Variants in DIS3L2 observed in about 807,000 individuals in gnomAD.
DIS3L2 encodes DIS3-like exonuclease 2.
A neutral mutation model predicts 97.5 loss-of-function variants in DIS3L2; 34 were observed. The ratio of observed to expected loss-of-function variants is 0.35; its 90% CI spans 0.27 to 0.46. DIS3L2 has a LOEUF of 0.46. Ranked by LOEUF, DIS3L2 falls within the 20% of genes least tolerant of loss-of-function variation. The probability of loss-of-function intolerance (pLI) is 1.00; values close to 1 mark genes in which losing one functional copy is unlikely to be tolerated. For synonymous variants in DIS3L2, 435 were observed against 445.2 expected (o/e 0.98, Z 0.29); for missense variants, 1,038 against 1,146.0 (o/e 0.91, Z 1.36).
chr2:232,341,937 T>C (rs1214551220), downstream of DIS3L2, among the ~76,000 whole-genome samples: 3 of 152,178 alleles, frequency 2.0e-5, no homozygotes, highest in Admixed American at 2.0e-4. Flanking sequence ...ACCCCCAACC[T>C]GCAAGCCAGG....
chr2:232,282,028 G>A (rs1007065060), intron 13 of DIS3L2, among the ~76,000 whole-genome samples: 7 of 151,636 alleles, frequency 4.6e-5, no homozygotes, highest in African/African-American at 1.7e-4. Context: ...CCCTGACAGT[G>A]AGCCCAGAGG....
intron 5 of DIS3L2, among the ~76,000 whole-genome samples, chr2:232,049,545 A>C (rs184586795): frequency 1.7e-3 from 253 of 152,294 alleles, no homozygotes; most frequent in African/African-American, 5.6e-3. Flanking sequence ...ATGATGACAC[A>C]GCAAGAAAGC....
chr2:232,087,424 A>G (rs1696694050), intron 5 of DIS3L2, 63 bp from the exon 6 acceptor site: 2 of 1,309,382 alleles, frequency 1.5e-6, no homozygotes, highest in Non-Finnish European at 2.1e-6. Flanking sequence ...TAGAAAAGAA[A>G]AATCTGCTCT....
At chr2:232,247,368 G>T (rs2106262051) in intron 11 of DIS3L2, among the ~76,000 whole-genome samples, 1 of 152,178 alleles carries the variant, frequency 6.6e-6, no homozygotes, top group East Asian at 1.9e-4. Context: ...CCATATCAAG[G>T]TGCTAGCCAA....
chr2:232,126,443 C>T (rs1698066613), intron 6 of DIS3L2, among the ~76,000 whole-genome samples: 2 of 152,206 alleles, frequency 1.3e-5, no homozygotes, highest in Admixed American at 6.5e-5. Context: ...TTCTGTTGTA[C>T]TGCTCTGCAG....
rs557282669 is a variant in DIS3L2, at chr2:232,301,835, C to CTTT, written c.1739+1737_1739+1739dup. 1.2e-3 allele frequency among the ~76,000 whole-genome samples: 131 copies of CTTT among 105,466 alleles called. 1 individual carries two copies. Among genetic ancestry groups the CTTT allele is most frequent in the Non-Finnish European group, 2.1e-3 (111 of 52,334 alleles). 69.2% of individuals were successfully genotyped at this position (105,466 alleles called of 152,430 possible). On this transcript the variant is annotated intron_variant, in intron 14 of 20. Coordinates refer to ENST00000325385, the MANE Select transcript of DIS3L2 (RefSeq NM_152383.5). ...TGTGAGAAGAGAAAATAGCCTAGCTCTTTTTTTTTTTTTTTTTTTTTTTAA... is the reference window on the plus strand; with the variant it reads ...TGTGAGAAGAGAAAATAGCCTAGCTCTTTTTTTTTTTTTTTTTTTTTTTTTTAA...
chr2:231,972,023 A>G (rs1692931059), intron 1 of DIS3L2, among the ~76,000 whole-genome samples: 1 of 151,502 alleles, frequency 6.6e-6, no homozygotes, highest in South Asian at 2.1e-4. Context: ...TGTCTCTACT[A>G]GGAATACAAA....
chr2:232,146,649 T>C (rs1267180359), intron 8 of DIS3L2, among the ~76,000 whole-genome samples: 1 of 152,154 alleles, frequency 6.6e-6, no homozygotes, highest in African/African-American at 2.4e-5. Flanking sequence ...TGCTATTGAC[T>C]ACAGTCACCA....
chr2:232,200,042 G>T (rs1280500326), intron 9 of DIS3L2, among the ~76,000 whole-genome samples: 4 of 152,160 alleles, frequency 2.6e-5, no homozygotes, highest in African/African-American at 9.7e-5. Context: ...AACCACCAAA[G>T]AAATCAAACT....
chr2:232,205,092 G>A (rs1429488812), intron 9 of DIS3L2, among the ~76,000 whole-genome samples: 4 of 151,992 alleles, frequency 2.6e-5, no homozygotes, highest in Non-Finnish European at 4.4e-5. Context: ...AGTCTAGGCT[G>A]CATCTTTCTG....
At chr2:232,046,435 A>G (rs903414739) in intron 5 of DIS3L2, among the ~76,000 whole-genome samples, 15 of 152,232 alleles carry the variant, frequency 9.9e-5, no homozygotes. Flanking sequence ...TTTGAGAAGC[A>G]TCGATGTGGA....
At chr2:232,167,513 A>T (rs1426785296) in intron 9 of DIS3L2, among the ~76,000 whole-genome samples, 1 of 152,190 alleles carries the variant, frequency 6.6e-6, no homozygotes, top group Non-Finnish European at 1.5e-5. Context: ...CTTGGTTTTG[A>T]TGATTATCAT....
chr2:232,019,494 G>T (rs1433954675), intron 3 of DIS3L2, among the ~76,000 whole-genome samples: 1 of 151,978 alleles, frequency 6.6e-6, no homozygotes, highest in Non-Finnish European at 1.5e-5. Flanking sequence ...GCTATGGTAG[G>T]TAAGTCATGA....
At chr2:232,246,554 T>C (rs1341317394) in intron 11 of DIS3L2, among the ~76,000 whole-genome samples, 2 of 152,190 alleles carry the variant, frequency 1.3e-5, no homozygotes, top group African/African-American at 4.8e-5. Context: ...GTTCTACCAA[T>C]AAGAAGACCA....
At chr2:231,997,310 AGG>A (rs1281781332) in intron 1 of DIS3L2, among the ~76,000 whole-genome samples, 20 of 152,234 alleles carry the variant, frequency 1.3e-4, no homozygotes, top group Non-Finnish European at 2.6e-4. Context: ...TGTCCCTTTC[AGG>A]ACATTTAATC....
chr2:232,145,850 A>T lies in DIS3L2; in HGVS notation c.950+9131A>T, dbSNP rs546037445. ...AACATGTGTTGGACACCAAAGGCAT[A>T]CAAGTCTCAGTGGTACACAGAAATA... is the stretch of plus-strand genomic sequence containing the variant. On this transcript the variant is annotated intron_variant, in intron 8 of 20. Coordinates refer to ENST00000325385, the MANE Select transcript of DIS3L2 (RefSeq NM_152383.5). Among the ~76,000 whole-genome samples the T allele has an allele frequency of 7.2e-5, 11 of 152,352 alleles. No homozygotes were observed. The South Asian group carries it at 2.3e-3, about 32-fold the overall frequency.
At chr2:232,232,321 A>G (rs1692816420) in intron 10 of DIS3L2, among the ~76,000 whole-genome samples, 2 of 152,166 alleles carry the variant, frequency 1.3e-5, no homozygotes, top group Admixed American at 6.5e-5. Context: ...GAGGGTGTAG[A>G]TGGTGAGGCG....
At chr2:232,011,784 G>C (rs1448484346) in intron 1 of DIS3L2, among the ~76,000 whole-genome samples, 2 of 152,060 alleles carry the variant, frequency 1.3e-5, no homozygotes, top group African/African-American at 4.8e-5. Flanking sequence ...TGAGTAGTTG[G>C]GATTACAGGC....
chr2:232,122,974 G>A (rs1697953427), intron 6 of DIS3L2, among the ~76,000 whole-genome samples: 1 of 152,174 alleles, frequency 6.6e-6, no homozygotes, highest in South Asian at 2.1e-4. Flanking sequence ...CATGCTATCT[G>A]TCATGCCTAT....
Sources: gnomAD v4.1 joint callset for allele counts (sites outside exome capture counted in the v4.1 genomes callset) on GRCh38, gnomAD v4.1.1 for gene constraint, MANE v1.5 for transcripts, NCBI Gene and HGNC (gene_info 2026-07-23, HGNC 2026-07-21) for gene names.